The following PIN4 variants were observed in gnomAD, a reference collection of about 807,000 sequenced individuals.
PIN4 encodes the protein peptidyl-prolyl cis-trans isomerase NIMA-interacting 4.
PIN4 carries 3 observed loss-of-function variants against 8.3 expected under a neutral mutation model. The observed-to-expected ratio is 0.36, with a 90% CI of 0.16 to 0.93. The LOEUF is 0.93. Ranked by LOEUF, PIN4 falls within the 40% of genes least tolerant of loss-of-function variation. The pLI is 0.44. For missense variants in PIN4, 75 were observed against 100.6 expected (o/e 0.75, Z 1.09); for synonymous variants, 18 against 32.5 (o/e 0.55, Z 1.52).
chrX:72,237,216 G>C (rs2043021662), intron 3 of PIN4, among the ~76,000 whole-genome samples: 1 of 111,626 alleles, frequency 9.0e-6, no homozygotes, highest in South Asian at 3.7e-4. Context: ...TAAATGAAAG[G>C]CCTGGCATGG....
intron 3 of PIN4, among the ~76,000 whole-genome samples, chrX:72,210,187 G>A (rs991381368): frequency 1.4e-5 from 1 of 69,689 alleles, no homozygotes; most frequent in Non-Finnish European, 2.3e-5. Flanking sequence ...ATAACATAGC[G>A]AGACTGTCTC....
downstream of PIN4, among the ~76,000 whole-genome samples, chrX:72,203,296 G>GTAAT (rs935826787): frequency 3.9e-4 from 44 of 111,829 alleles, no homozygotes; most frequent in African/African-American, 1.4e-3. Flanking sequence ...TAATAAGCTG[G>GTAAT]TAATAGTAAG....
intron 3 of PIN4, among the ~76,000 whole-genome samples, chrX:72,260,866 C>T (rs1418404351): frequency 1.7e-4 from 19 of 111,890 alleles, no homozygotes; most frequent in African/African-American, 5.8e-4. Flanking sequence ...CTTTCCGTCC[C>T]CATGGCTGTC....
At chrX:72,254,932 CTG>C (rs1380882821) in intron 3 of PIN4, among the ~76,000 whole-genome samples, 1 of 111,546 alleles carries the variant, frequency 9.0e-6, no homozygotes, top group East Asian at 2.8e-4. Context: ...TGAGGTGTCT[CTG>C]TGGGCCTCAT....
At position 72,214,987 on chromosome X, in the gene PIN4, A is replaced by AAAAC. The variant is rs58333692; in HGVS notation, c.312+18099_312+18102dup. Among the ~76,000 whole-genome samples the AAAAC allele has an allele frequency of 3.4e-3, 383 of 111,914 alleles. 2 individuals are homozygous for AAAAC. The highest frequency in any genetic ancestry group is 0.012 in the African/African-American group (366 of 30,788). On this transcript the variant is annotated intron_variant, in intron 3 of 3. Transcript: ENST00000423432. The stretch of plus-strand genomic sequence containing the variant: ...GGATGAAAAAGCAAGACTCTGACTC[A>AAAAC]AAACAAACAAACAAACAAAAAAACC...
At chrX:72,259,695 C>A (rs1169957080) in intron 3 of PIN4, among the ~76,000 whole-genome samples, 1 of 105,344 alleles carries the variant, frequency 9.5e-6, no homozygotes, top group Non-Finnish European at 1.9e-5. Context: ...GGGTTTTGAA[C>A]ACTGGTACTC....
chrX:72,218,538 G>A, intron 3 of PIN4, among the ~76,000 whole-genome samples: 1 of 104,918 alleles, frequency 9.5e-6, no homozygotes, highest in East Asian at 3.0e-4. Flanking sequence ...CTGTCACCCA[G>A]GCTGGAGTGC....
At chrX:72,202,990 G>A (rs1004925983), downstream of PIN4, among the ~76,000 whole-genome samples, 1 of 111,685 alleles carries the variant, frequency 9.0e-6, no homozygotes, top group African/African-American at 3.3e-5. Context: ...TCAGGATGGG[G>A]GCTGGTCACC....
chrX:72,257,492 T>C (rs2043117427), intron 3 of PIN4, among the ~76,000 whole-genome samples: 1 of 111,387 alleles, frequency 9.0e-6, no homozygotes, highest in African/African-American at 3.3e-5. Context: ...TAGAGTACCA[T>C]TGCTGTAACC....
At chrX:72,186,174 A>C in intron 1 of PIN4, 21 of 326,174 alleles carry the variant, frequency 6.4e-5, no homozygotes, top group Non-Finnish European at 8.9e-5. Flanking sequence ...GCCCAACACA[A>C]ATTTGCAAAC....
At chrX:72,234,999 C>T in intron 3 of PIN4, among the ~76,000 whole-genome samples, 1 of 112,005 alleles carries the variant, frequency 8.9e-6, no homozygotes, top group Non-Finnish European at 1.9e-5. Context: ...TAAGACCAGT[C>T]ACATGATTGT....
At chrX:72,237,585 G>T (rs1175173765) in intron 3 of PIN4, among the ~76,000 whole-genome samples, 1 of 96,264 alleles carries the variant, frequency 1.0e-5, no homozygotes, top group African/African-American at 4.0e-5. Context: ...GTGACAGAGC[G>T]AGACTGTATC....
intron 3 of PIN4, among the ~76,000 whole-genome samples, chrX:72,221,724 C>A (rs1203507776): frequency 1.8e-5 from 2 of 110,777 alleles, no homozygotes; most frequent in Non-Finnish European, 1.9e-5. Context: ...AACTTTATAA[C>A]CAGGAATGGC....
chrX:72,190,071 GTTC>G (rs916603108), intron 2 of PIN4, among the ~76,000 whole-genome samples: 26 of 110,483 alleles, frequency 2.4e-4, no homozygotes, highest in African/African-American at 7.9e-4. Flanking sequence ...CTGTTCCTCT[GTTC>G]TTCTCCTCAC....
intron 3 of PIN4, among the ~76,000 whole-genome samples, chrX:72,218,219 A>G (rs1364064324): frequency 9.4e-6 from 1 of 106,395 alleles, no homozygotes; most frequent in African/African-American, 3.4e-5. Context: ...GCAGTGAGTC[A>G]AGATCGCACC....
At chrX:72,192,045 A>G (rs2042737834) in intron 2 of PIN4, among the ~76,000 whole-genome samples, 1 of 110,733 alleles carries the variant, frequency 9.0e-6, no homozygotes, top group Non-Finnish European at 1.9e-5. Flanking sequence ...TCCATCTCCC[A>G]GTTTCAAGCG....
intron 3 of PIN4, among the ~76,000 whole-genome samples, chrX:72,218,060 G>A (rs2042897018): frequency 9.0e-6 from 1 of 110,754 alleles, no homozygotes; most frequent in Non-Finnish European, 1.9e-5. Flanking sequence ...CAGGAGGTCA[G>A]GAGATCGAGA....
intron 3 of PIN4, chrX:72,239,102 A>C (rs753241413): frequency 9.5e-6 from 4 of 422,458 alleles, no homozygotes; most frequent in Non-Finnish European, 1.6e-5. Flanking sequence ...ACGCGCTGCG[A>C]CGCCTCCGCC....
chrX:72,209,822 T>C (rs141478894), intron 3 of PIN4, among the ~76,000 whole-genome samples: 8 of 111,613 alleles, frequency 7.2e-5, no homozygotes, highest in African/African-American at 2.6e-4. Flanking sequence ...GTCAATTACT[T>C]TCAGTAAGGG....
Sources: gnomAD v4.1 joint callset for allele counts (sites outside exome capture counted in the v4.1 genomes callset) on GRCh38, gnomAD v4.1.1 for gene constraint, MANE v1.5 for transcripts, NCBI Gene and HGNC (gene_info 2026-07-23, HGNC 2026-07-21) for gene names.